PIWIL3: variants seen among roughly 807,000 people sequenced by gnomAD.
PIWIL3 encodes piwi like RNA-mediated gene silencing 3.
A neutral mutation model predicts 109.7 loss-of-function variants in PIWIL3; 101 were observed. The observed-to-expected ratio is 0.92, with a 90% CI of 0.78 to 1.09. The LOEUF (loss-of-function observed/expected upper bound fraction) is 1.09. Ranked by LOEUF, PIWIL3 falls within the 50% of genes least tolerant of loss-of-function variation. The probability of loss-of-function intolerance (pLI) is 0.00; values close to 1 mark genes in which losing one functional copy is unlikely to be tolerated. For missense variants in PIWIL3, 1,031 were observed against 1,072.6 expected, an observed-to-expected ratio of 0.96 and a Z score of 0.54; for synonymous variants, 373 against 376.4, an observed-to-expected ratio of 0.99 and a Z score of 0.10.
intron 14 of PIWIL3, among the ~76,000 whole-genome samples, chr22:24,731,178 T>C (rs1555910489): frequency 6.6e-6 from 1 of 151,800 alleles, no homozygotes; most frequent in Non-Finnish European, 1.5e-5. Flanking sequence ...CTGAAGAAAA[T>C]CCCCAGGCCT....
intron 2 of PIWIL3, among the ~76,000 whole-genome samples, chr22:24,760,855 C>G (rs1925394918): frequency 6.7e-6 from 1 of 149,356 alleles, no homozygotes; most frequent in Non-Finnish European, 1.5e-5. Context: ...TTGTCAGGTT[C>G]CATGTTGGGA....
At position 24,757,981 on chromosome 22, in the gene PIWIL3, CCTT is replaced by C. The variant is rs1214627167; in HGVS notation, c.279_281del (p.Arg94del). 1.2e-5 allele frequency: 19 copies of C among 1,613,922 alleles called. No individual in the cohort carries two copies. Among genetic ancestry groups the C allele is most frequent in the Admixed American group, 3.3e-5 (2 of 59,980 alleles). ...CCAGGTCTTGAAAAACTCCACCAAT[CCTT>C]CTCTCCTGCAAGGGCGCTGTATGCA... is the stretch of plus-strand genomic sequence containing the variant. On this transcript the variant is annotated inframe_deletion, in exon 4 of 21. Transcript: ENST00000616349.
intron 13 of PIWIL3, among the ~76,000 whole-genome samples, chr22:24,735,414 A>G (rs923201907): frequency 6.6e-6 from 1 of 152,206 alleles, no homozygotes; most frequent in Non-Finnish European, 1.5e-5. Context: ...GTAAACCTAA[A>G]ACTTCTCTAG....
chr22:24,740,233 A>AAAAAAAAAAAAG (rs1923916075), intron 12 of PIWIL3, among the ~76,000 whole-genome samples: 1 of 150,084 alleles, frequency 6.7e-6, no homozygotes, highest in Admixed American at 6.7e-5. Flanking sequence ...AAAAAAAAAA[A>AAAAAAAAAAAAG]ATTTCTAAAA....
intron 12 of PIWIL3, among the ~76,000 whole-genome samples, chr22:24,740,064 A>G (rs568575426): frequency 2.0e-5 from 3 of 150,978 alleles, no homozygotes; most frequent in African/African-American, 7.3e-5. Context: ...AAAAAAAAAA[A>G]AAAAATTAGC....
chr22:24,744,220 G>A (rs910714356), intron 12 of PIWIL3, among the ~76,000 whole-genome samples: 8 of 91,268 alleles, frequency 8.8e-5, no homozygotes, highest in African/African-American at 3.0e-4. Context: ...ATGATCTGCT[G>A]CCTGCAAAAA....
At chr22:24,744,205 A>AAAAAAATG (rs1569103676) in intron 12 of PIWIL3, among the ~76,000 whole-genome samples, 1 of 148,084 alleles carries the variant, frequency 6.8e-6, no homozygotes, top group Non-Finnish European at 1.5e-5. Flanking sequence ...AAAAAAAAAA[A>AAAAAAATG]AACAATGATC....
chr22:24,734,234 AAAGT>A, intron 13 of PIWIL3, 78 bp from the exon 14 acceptor site: 4 of 1,546,220 alleles, frequency 2.6e-6, no homozygotes, highest in Non-Finnish European at 3.5e-6. Flanking sequence ...AATTAAATAC[AAAGT>A]AAGACATGAT....
intron 12 of PIWIL3, among the ~76,000 whole-genome samples, chr22:24,743,869 G>A (rs910695599): frequency 1.3e-5 from 2 of 151,566 alleles, no homozygotes; most frequent in African/African-American, 4.9e-5. Flanking sequence ...ATTTAAAATA[G>A]AGTTTATTCA....
intron 12 of PIWIL3, among the ~76,000 whole-genome samples, chr22:24,746,231 C>A (rs1171800327): frequency 2.6e-5 from 4 of 152,160 alleles, no homozygotes; most frequent in African/African-American, 9.6e-5. Context: ...AAAAAAAGTT[C>A]ATCACCAAGT....
At chr22:24,731,746 CTT>C (rs962415076) in intron 14 of PIWIL3, among the ~76,000 whole-genome samples, 2 of 151,734 alleles carry the variant, frequency 1.3e-5, no homozygotes, top group Non-Finnish European at 2.9e-5. Flanking sequence ...GCTCTGAAAA[CTT>C]TGTAATTTTG....
In PIWIL3 at chr22:24,755,845, A is replaced by G; in HGVS notation, c.631T>C (p.Ser211Pro). 2 of 1,614,118 alleles carry G rather than the reference A, an allele frequency of 1.2e-6. No homozygotes were observed. The highest frequency in any genetic ancestry group is 1.7e-6 in the Non-Finnish European group (2 of 1,179,984). The change falls in exon 6 of 21, where the codon TCC becomes CCC. Residue 211 changes from serine to proline, a missense_variant. Coordinates refer to ENST00000616349, the MANE Select transcript of PIWIL3 (RefSeq NM_001255975.1). ...GGCGACGTGGGCGTGAGTTCTTTGG[A>G]AAACTCAACTGTAATCTTCACGATG... ...KNIVKITVEF[S>P]KELTPTSPDC...
In PIWIL3 at chr22:24,762,430, G is replaced by T. The variant is rs143315581; in HGVS notation, c.70C>A (p.Pro24Thr). 31 of 1,613,876 alleles carry T rather than the reference G, an allele frequency of 1.9e-5. No individual in the cohort carries two copies. The highest frequency in any genetic ancestry group is 2.4e-5 in the Non-Finnish European group (28 of 1,179,952). The change falls in exon 2 of 21, where the codon CCT (proline) becomes ACT (threonine). Residue 24 changes from proline to threonine, a missense_variant. Pro to Thr is a conservative substitution (Grantham distance 38). Transcript: ENST00000616349. The part of the protein sequence containing the change: ...RRRESYQQEA[P>T]GGPRAPGSAT... ...GATCCAGGTGCTCTGGGTCCCCCAG[G>T]TGCCTCTTGTTGGTAGCTCTCCCTG...
At chr22:24,765,839 A>G (rs1275951131) in intron 1 of PIWIL3, among the ~76,000 whole-genome samples, 1 of 150,200 alleles carries the variant, frequency 6.7e-6, no homozygotes, top group African/African-American at 2.4e-5. Context: ...TTTCTTTTGT[A>G]GTTGTGTAAA....
rs781446356 is a variant in PIWIL3 at position 24,725,428 on chromosome 22, C to T, written c.2080+17G>A. The T allele has an allele frequency of 2.5e-5, 40 of 1,612,958 alleles. No individual in the cohort carries two copies. The highest frequency in any genetic ancestry group is 1.6e-4 in the Middle Eastern group (1 of 6,062). ...CTTGTATAGTGTCGGGTTCCCCGACCGCTACAAGACACTGACCTTTCAAGC... is the reference window on the plus strand; with the variant it reads ...CTTGTATAGTGTCGGGTTCCCCGACTGCTACAAGACACTGACCTTTCAAGC... On this transcript the variant is annotated intron_variant, in intron 17 of 20. Coordinates refer to ENST00000616349, the MANE Select transcript of PIWIL3 (RefSeq NM_001255975.1).
At chr22:24,748,561 C>T (rs142173155) in intron 12 of PIWIL3, among the ~76,000 whole-genome samples, 145 of 152,198 alleles carry the variant, frequency 9.5e-4, no homozygotes, top group African/African-American at 3.3e-3. Context: ...TATGTACCCA[C>T]AAAAACTAAA....
chr22:24,768,398 A>G (rs1418673604), intron 1 of PIWIL3, among the ~76,000 whole-genome samples: 1 of 151,800 alleles, frequency 6.6e-6, no homozygotes, highest in Non-Finnish European at 1.5e-5. Context: ...GGGATTACAG[A>G]GGACACCACC....
chr22:24,754,653 C>A, intron 7 of PIWIL3, 131 bp downstream of exon 7: 1 of 676,314 alleles, frequency 1.5e-6, no homozygotes. Context: ...CTAAATTGTT[C>A]ATGGTCAGTG....
At chr22:24,724,815 G>T in intron 18 of PIWIL3, 72 bp downstream of exon 18, 1 of 1,488,686 alleles carries the variant, frequency 6.7e-7, no homozygotes, top group South Asian at 1.2e-5. Flanking sequence ...CAAGGGATCT[G>T]CCCACCTTAA....
Sources: gnomAD v4.1 joint callset for allele counts (sites outside exome capture counted in the v4.1 genomes callset) on GRCh38, gnomAD v4.1.1 for gene constraint, MANE v1.5 for transcripts, NCBI Gene and HGNC (gene_info 2026-07-23, HGNC 2026-07-21) for gene names.